SLC71A2: variants seen among roughly 807,000 people sequenced by gnomAD.
SLC71A2 encodes solute carrier family 71 member 2, also known as hippocampus abundant transcript-like 1.
chr9:94,394,106 A>T, the SLC71A2 span, among the ~76,000 whole-genome samples: 1 of 144,772 alleles, frequency 6.9e-6, no homozygotes, highest in Non-Finnish European at 1.5e-5. Flanking sequence ...TTGGCCTCTT[A>T]GTTTGCATTA....
the SLC71A2 span, among the ~76,000 whole-genome samples, chr9:94,403,982 A>G: frequency 3.2e-4 from 49 of 152,260 alleles, no homozygotes; most frequent in Non-Finnish European, 5.6e-4. Context: ...ACCATTATCA[A>G]TGGATTAATG....
chr9:94,409,289 G>T, the SLC71A2 span, among the ~76,000 whole-genome samples: 2 of 146,500 alleles, frequency 1.4e-5, no homozygotes, highest in African/African-American at 5.2e-5. Flanking sequence ...ATAGGTGTAT[G>T]TGCCACCATG....
chr9:94,434,890 T>A, the SLC71A2 span, among the ~76,000 whole-genome samples: 63 of 152,322 alleles, frequency 4.1e-4, 1 homozygote, highest in Middle Eastern at 3.4e-3. Context: ...TCCCAAAAAG[T>A]ATTGCTTCCA....
chr9:94,433,506 T>C, the SLC71A2 span, among the ~76,000 whole-genome samples: 4 of 151,056 alleles, frequency 2.6e-5, no homozygotes, highest in East Asian at 5.8e-4. Flanking sequence ...AACCCTGTCT[T>C]TACTAAAAAT....
chr9:94,399,259 C>G, the SLC71A2 span, among the ~76,000 whole-genome samples: 1 of 151,986 alleles, frequency 6.6e-6, no homozygotes, highest in Non-Finnish European at 1.5e-5. Flanking sequence ...TACATATTTC[C>G]CACTCTAGTC....
chr9:94,377,386 T>G, the SLC71A2 span, among the ~76,000 whole-genome samples: 11 of 57,552 alleles, frequency 1.9e-4, no homozygotes, highest in Admixed American at 1.1e-3. Flanking sequence ...TTTTCTGTGT[T>G]TTTTTTTTTG....
the SLC71A2 span, among the ~76,000 whole-genome samples, chr9:94,422,173 T>TG: frequency 1.3e-5 from 2 of 152,216 alleles, no homozygotes; most frequent in African/African-American, 4.8e-5. Context: ...GCCTGGCCAT[T>TG]GTTACAGTTT....
At chr9:94,384,773 G>A in the SLC71A2 span, among the ~76,000 whole-genome samples, 421 of 152,238 alleles carry the variant, frequency 2.8e-3, 4 homozygotes, top group Middle Eastern at 6.8e-3. Context: ...AATTGCCATT[G>A]TAATAGTATT....
At chr9:94,419,843 A>G in the SLC71A2 span, among the ~76,000 whole-genome samples, 2 of 152,050 alleles carry the variant, frequency 1.3e-5, no homozygotes, top group African/African-American at 4.8e-5. Context: ...GCAGCTGCTG[A>G]TGTCTCTTTT....
chr9:94,379,386 CTTT>C, the SLC71A2 span, among the ~76,000 whole-genome samples: 7 of 127,636 alleles, frequency 5.5e-5, no homozygotes, highest in Non-Finnish European at 8.1e-5. Flanking sequence ...GCGCCTGGCC[CTTT>C]TTTTTTTTTT....
the SLC71A2 span, among the ~76,000 whole-genome samples, chr9:94,420,595 C>CT: frequency 0.066 from 9,453 of 143,284 alleles, 430 homozygotes; most frequent in African/African-American, 0.13. Context: ...GTTTATAATA[C>CT]TTTTTTTTTT....
chr9:94,421,386 T>G, the SLC71A2 span, among the ~76,000 whole-genome samples: 1 of 152,212 alleles, frequency 6.6e-6, no homozygotes, highest in African/African-American at 2.4e-5. Flanking sequence ...TTGTCACATT[T>G]CTAATGTGAC....
At chr9:94,430,338 T>C in the SLC71A2 span, among the ~76,000 whole-genome samples, 2 of 152,032 alleles carry the variant, frequency 1.3e-5, no homozygotes, top group African/African-American at 4.8e-5. Context: ...TTCTCCTGCC[T>C]TAGTCTTCTG....
chr9:94,452,130 A>G, the SLC71A2 span, among the ~76,000 whole-genome samples: 3 of 152,254 alleles, frequency 2.0e-5, no homozygotes, highest in South Asian at 6.2e-4. Context: ...CACCAACCAA[A>G]ATAGTAAATA....
chr9:94,414,595 G>A, the SLC71A2 span, among the ~76,000 whole-genome samples: 16 of 152,154 alleles, frequency 1.1e-4, no homozygotes, highest in Non-Finnish European at 2.1e-4. Context: ...TTAGTTTCTT[G>A]AAGATCCAGT....
the SLC71A2 span, among the ~76,000 whole-genome samples, chr9:94,389,630 A>C: frequency 6.7e-6 from 1 of 150,014 alleles, no homozygotes; most frequent in Admixed American, 6.6e-5. Context: ...TACTTGAGAC[A>C]AGGTCTTGCC....
At chr9:94,410,505 T>A in the SLC71A2 span, among the ~76,000 whole-genome samples, 12 of 151,952 alleles carry the variant, frequency 7.9e-5, no homozygotes, top group Non-Finnish European at 1.6e-4. Flanking sequence ...GGACTACAGG[T>A]GCACACCACC....
the SLC71A2 span, among the ~76,000 whole-genome samples, chr9:94,436,436 C>T: frequency 6.6e-6 from 1 of 152,154 alleles, no homozygotes; most frequent in Non-Finnish European, 1.5e-5. Context: ...GTGAGAGAAC[C>T]CAGATGACAC....
At chr9:94,430,278 A>G in the SLC71A2 span, among the ~76,000 whole-genome samples, 2 of 146,670 alleles carry the variant, frequency 1.4e-5, no homozygotes, top group Non-Finnish European at 3.0e-5. Context: ...GCTGGAGTGC[A>G]GTGGTGTGAT....
Sources: allele counts gnomAD v4.1 joint callset (sites outside exome capture counted in the v4.1 genomes callset), GRCh38; gene constraint gnomAD v4.1.1; transcripts MANE v1.5; gene names NCBI Gene and HGNC (gene_info 2026-07-23, HGNC 2026-07-21).